GOLPH3L: variants seen among roughly 807,000 people sequenced by gnomAD.
GOLPH3L encodes the protein Golgi phosphoprotein 3-like.
GOLPH3L carries 22 observed loss-of-function variants against 30.3 expected under a neutral mutation model. That is an observed-to-expected ratio of 0.73 (90% CI 0.52 to 1.04). The LOEUF (loss-of-function observed/expected upper bound fraction) is 1.04. Ranked by LOEUF, GOLPH3L falls within the 50% of genes least tolerant of loss-of-function variation. The pLI, the probability that GOLPH3L is intolerant of heterozygous loss-of-function variation, is 0.00. For synonymous variants in GOLPH3L, 120 were observed against 128.2 expected (o/e 0.94, Z 0.43); for missense variants, 303 against 345.8 (o/e 0.88, Z 0.98).
rs148869883 is a variant in GOLPH3L at position 150,693,300 on chromosome 1, C to T, written c.183+1356G>A. ...CTAAACAACAATGGTATTTCCAAGT[C>T]GAAGAATTATGTAGAAAAGAAGAGC... On this transcript the variant is annotated intron_variant, in intron 2 of 4. Transcript: ENST00000271732. Among the ~76,000 whole-genome samples, 1,243 of 152,106 alleles carry T rather than the reference C, an allele frequency of 8.2e-3. 7 individuals are homozygous for T. The highest frequency in any genetic ancestry group is 0.012 in the Non-Finnish European group (849 of 67,998).
chr1:150,683,308 G>A (rs1031806825), intron 2 of GOLPH3L, among the ~76,000 whole-genome samples: 15 of 151,516 alleles, frequency 9.9e-5, no homozygotes, highest in African/African-American at 3.6e-4. Flanking sequence ...AGGCCGAGGC[G>A]GGCGGATCAC....
In GOLPH3L at chr1:150,648,207, G is replaced by T; in HGVS notation, c.*114C>A. ...GTTGCTCTCCCCAAATCACAAGTCT[G>T]ATTCAAGAAAAGGAAACAAAAATGA... On this transcript the variant is annotated 3_prime_UTR_variant, in exon 5 of 5. Coordinates refer to ENST00000271732, the MANE Select transcript of GOLPH3L (RefSeq NM_018178.6). 1.3e-6 allele frequency: 1 copy of T among 754,240 alleles called. No individual in the cohort carries two copies. 46.7% of individuals were successfully genotyped at this position (754,240 alleles called of 1,614,324 possible).
At chr1:150,658,310 T>G (rs1460878234) in intron 4 of GOLPH3L, among the ~76,000 whole-genome samples, 2 of 152,206 alleles carry the variant, frequency 1.3e-5, no homozygotes, top group Non-Finnish European at 2.9e-5. Flanking sequence ...AATTTAATGG[T>G]AGCTATGATA....
In GOLPH3L at chr1:150,690,916, TA is replaced by T. The variant is rs902021213; in HGVS notation, c.183+3739del. Among the ~76,000 whole-genome samples, 130 of 152,172 alleles carry T rather than the reference TA, an allele frequency of 8.5e-4. No homozygotes were observed. The Middle Eastern group carries it at 0.01, about 12-fold the overall frequency. ...ACTTGCTTTTTATTGTTGTTTACTTTAAAAAAAATATTTTGCATTGTGAAAT... is the reference window on the plus strand; with the variant it reads ...ACTTGCTTTTTATTGTTGTTTACTTTAAAAAAATATTTTGCATTGTGAAAT... On this transcript the variant is annotated intron_variant, in intron 2 of 4. Coordinates refer to ENST00000271732, the MANE Select transcript of GOLPH3L (RefSeq NM_018178.6).
chr1:150,656,948 T>C (rs940487655), intron 4 of GOLPH3L, among the ~76,000 whole-genome samples: 2 of 152,332 alleles, frequency 1.3e-5, no homozygotes, highest in African/African-American at 2.4e-5. Flanking sequence ...ATGGGTCTGG[T>C]AATGGTAAAG....
At chr1:150,690,792 G>A (rs1651191052) in intron 2 of GOLPH3L, among the ~76,000 whole-genome samples, 1 of 152,020 alleles carries the variant, frequency 6.6e-6, no homozygotes, top group South Asian at 2.1e-4. Flanking sequence ...TTAAAGGCAT[G>A]GCTTGTTTTA....
rs1553188983 is a variant in GOLPH3L, at chr1:150,691,515, T to TAAC, written c.183+3140_183+3141insGTT. Among the ~76,000 whole-genome samples, 9 of 151,176 alleles carry TAAC rather than the reference T, an allele frequency of 6.0e-5. No homozygotes were observed. In the East Asian group the frequency reaches 1.8e-3, roughly 29 times the overall value. ...TGGGTGACAGAGCAAGACTCTGTCT[T>TAAC]AAAAACAAAAACAAAAACAAAAACA... On this transcript the variant is annotated intron_variant, in intron 2 of 4. Coordinates refer to ENST00000271732, the MANE Select transcript of GOLPH3L (RefSeq NM_018178.6).
intron 4 of GOLPH3L, among the ~76,000 whole-genome samples, chr1:150,653,477 T>C (rs1650174088): frequency 6.8e-6 from 1 of 147,402 alleles, no homozygotes; most frequent in Non-Finnish European, 1.5e-5. Context: ...TTTTTTTTTT[T>C]TGGAGACAGG....
intron 2 of GOLPH3L, among the ~76,000 whole-genome samples, chr1:150,666,046 T>C (rs1243949610): frequency 6.6e-6 from 1 of 152,166 alleles, no homozygotes; most frequent in East Asian, 1.9e-4. Context: ...GGTTTTTTTG[T>C]AGGTGGTGTA....
chr1:150,659,230 T>A (rs1401726265), intron 4 of GOLPH3L, among the ~76,000 whole-genome samples: 1 of 152,206 alleles, frequency 6.6e-6, no homozygotes, highest in African/African-American at 2.4e-5. Context: ...GGGGACGTGT[T>A]GGGAATAGGC....
intron 2 of GOLPH3L, among the ~76,000 whole-genome samples, chr1:150,669,622 A>T (rs1038841580): frequency 6.6e-6 from 1 of 152,170 alleles, no homozygotes; most frequent in Admixed American, 6.6e-5. Context: ...CTAATGGAGA[A>T]TCTCAGAGAA....
intron 2 of GOLPH3L, among the ~76,000 whole-genome samples, chr1:150,687,575 C>CA (rs879283422): frequency 2.1e-3 from 278 of 132,404 alleles, no homozygotes; most frequent in African/African-American, 4.4e-3. Flanking sequence ...AACTCTGTCT[C>CA]AAAAAAAAAA....
chr1:150,691,268 C>T (rs587738161), intron 2 of GOLPH3L, among the ~76,000 whole-genome samples: 47 of 152,278 alleles, frequency 3.1e-4, no homozygotes, highest in Non-Finnish European at 2.2e-4. Flanking sequence ...AATCCCAGCA[C>T]TTTGGGAGGC....
intron 4 of GOLPH3L, among the ~76,000 whole-genome samples, chr1:150,655,722 G>T (rs974264701): frequency 6.6e-6 from 1 of 152,136 alleles, no homozygotes; most frequent in Non-Finnish European, 1.5e-5. Flanking sequence ...AACGGACACA[G>T]CTCCAACATT....
chr1:150,693,797 A>ATGTATGTGTGTGTGTGTGTGTGTGTGTG (rs1553189136), intron 2 of GOLPH3L, among the ~76,000 whole-genome samples: 13 of 60,968 alleles, frequency 2.1e-4, no homozygotes, highest in African/African-American at 1.1e-3. Context: ...TTGTTTATGT[A>ATGTATGTGTGTGTGTGTGTGTGTGTGTG]TGTGTGTGTG....
rs769242256 is a variant in GOLPH3L, at chr1:150,663,611, C to T, written c.315+21G>A. On this transcript the variant is annotated intron_variant, in intron 3 of 4. Coordinates refer to ENST00000271732, the MANE Select transcript of GOLPH3L (RefSeq NM_018178.6). ...TATTTGCCTTTCCATAAGCCATGGACGTTCACAGAGGATTCAGTACCTTTC... is the reference window on the plus strand; with the variant it reads ...TATTTGCCTTTCCATAAGCCATGGATGTTCACAGAGGATTCAGTACCTTTC... 16 of 1,595,008 alleles carry T rather than the reference C, an allele frequency of 1.0e-5. No homozygotes were observed. In the South Asian group the frequency reaches 1.0e-4, roughly 10 times the overall value.
rs149546189 is a variant in GOLPH3L, at chr1:150,668,193, C to T, written c.184-4430G>A. 5.3e-5 allele frequency among the ~76,000 whole-genome samples: 8 copies of T among 152,122 alleles called. No homozygotes were observed. The East Asian group carries it at 7.7e-4, about 15-fold the overall frequency. ...CTTAAGGAGAGAATATCCCTTATGCCGCAAAAATATTTTTGAAAGCATAAA... is the reference window on the plus strand; with the variant it reads ...CTTAAGGAGAGAATATCCCTTATGCTGCAAAAATATTTTTGAAAGCATAAA... On this transcript the variant is annotated intron_variant, in intron 2 of 4. Transcript: ENST00000271732.
intron 2 of GOLPH3L, among the ~76,000 whole-genome samples, chr1:150,693,779 ATCC>A (rs1651265253): frequency 7.3e-6 from 1 of 136,692 alleles, no homozygotes; most frequent in South Asian, 2.4e-4. Flanking sequence ...AATTAAAATA[ATCC>A]TCAATTGTTT....
chr1:150,676,480 A>T (rs1345094306), intron 2 of GOLPH3L, among the ~76,000 whole-genome samples: 9 of 152,084 alleles, frequency 5.9e-5, no homozygotes, highest in Non-Finnish European at 1.0e-4. Context: ...TTAAAAAAAG[A>T]ACTGTAATAC....
Sources: allele counts gnomAD v4.1 joint callset (sites outside exome capture counted in the v4.1 genomes callset), GRCh38; gene constraint gnomAD v4.1.1; transcripts MANE v1.5; gene names NCBI Gene and HGNC (gene_info 2026-07-23, HGNC 2026-07-21).